The following STARD9 variants were observed in gnomAD, a reference collection of about 807,000 sequenced individuals.
The protein encoded by STARD9 is stAR-related lipid transfer protein 9.
In STARD9, 346 loss-of-function variants were observed where a neutral mutation model predicts 399.8. The ratio of observed to expected loss-of-function variants is 0.87; its 90% CI spans 0.79 to 0.95. The LOEUF is 0.95. Among genes scored for constraint, STARD9 ranks in the 40% least tolerant of loss-of-function variants. The pLI, the probability that STARD9 is intolerant of heterozygous loss-of-function variation, is 0.00. For missense variants in STARD9, 5,832 were observed against 5,667.5 expected (o/e 1.03, Z -0.93); for synonymous variants, 2,203 against 2,143.5 (o/e 1.03, Z -0.77).
At chr15:42,607,288 C>T (rs749641860) in intron 3 of STARD9, among the ~76,000 whole-genome samples, 10 of 137,038 alleles carry the variant, frequency 7.3e-5, no homozygotes, top group Non-Finnish European at 1.2e-4. Context: ...CTACAACCTT[C>T]GCCTCCTGGG....
chr15:42,711,271 C>T (rs899917210), intron 26 of STARD9, among the ~76,000 whole-genome samples: 1 of 152,088 alleles, frequency 6.6e-6, no homozygotes, highest in Admixed American at 6.6e-5. Flanking sequence ...TCCCAGGTAG[C>T]TGGGATTACA....
chr15:42,646,715 T>C (rs527471622), intron 7 of STARD9, among the ~76,000 whole-genome samples: 56 of 152,234 alleles, frequency 3.7e-4, no homozygotes, highest in Non-Finnish European at 7.5e-4. Context: ...GAGTAGCACT[T>C]TTAATTTCCT....
intron 7 of STARD9, among the ~76,000 whole-genome samples, chr15:42,643,057 G>A (rs982407801): frequency 3.3e-5 from 5 of 149,586 alleles, no homozygotes; most frequent in Admixed American, 6.7e-5. Context: ...CCAATCTTTG[G>A]TATACTAATA....
intron 26 of STARD9, among the ~76,000 whole-genome samples, chr15:42,709,636 G>C (rs1287273491): frequency 6.6e-6 from 1 of 152,182 alleles, no homozygotes; most frequent in Non-Finnish European, 1.5e-5. Context: ...ATTGAGCTGA[G>C]ATGGCGCCAC....
chr15:42,687,435 G>C lies in STARD9; in HGVS notation c.5857G>C (p.Asp1953His), dbSNP rs1308927464. 1 of 1,537,186 alleles carries C rather than the reference G, an allele frequency of 6.5e-7. No individual in the cohort carries two copies. The highest frequency in any genetic ancestry group is 8.7e-7 in the Non-Finnish European group (1 of 1,146,912). ...TGTTTCTTTGAAATCCAGATCAGTA[G>C]ATCGTAGAGTAAGCAGCCCAGTGAT... is the stretch of plus-strand genomic sequence containing the variant. The part of the protein sequence containing the change: ...SAVSLKSRSV[D>H]RRVSSPVMVA... Residue 1953 changes from aspartate (D) to histidine (H), a missense_variant, in exon 23 of 33, where the codon GAT becomes CAT. This residue lies in a region of STARD9 where 5,828 missense variants were observed against 5,651.1 expected (regional missense o/e 1.03). Coordinates refer to ENST00000290607, the MANE Select transcript of STARD9 (RefSeq NM_020759.3).
chr15:42,580,083 T>C (rs1277345959), intron 1 of STARD9, among the ~76,000 whole-genome samples: 2 of 152,172 alleles, frequency 1.3e-5, no homozygotes, highest in Non-Finnish European at 2.9e-5. Context: ...TCTCTTCTGA[T>C]GTACAGAGTT....
intron 9 of STARD9, among the ~76,000 whole-genome samples, chr15:42,657,866 A>C (rs2059906815): frequency 6.6e-6 from 1 of 152,256 alleles, no homozygotes; most frequent in Non-Finnish European, 1.5e-5. Flanking sequence ...AAGGCAATTC[A>C]GTGGAGAAAA....
intron 26 of STARD9, among the ~76,000 whole-genome samples, chr15:42,699,646 G>A (rs2060923490): frequency 1.3e-5 from 2 of 151,676 alleles, no homozygotes; most frequent in African/African-American, 2.4e-5. Context: ...GCCCGCCTTG[G>A]CCTCCCAAAA....
In STARD9 at chr15:42,690,919, A is replaced by G; in HGVS notation, c.9341A>G (p.Gln3114Arg). The change falls in exon 23 of 33, where the codon CAG becomes CGG. Residue 3114 changes from glutamine to arginine, a missense_variant. This residue lies in a region of STARD9 where 5,828 missense variants were observed against 5,651.1 expected (regional missense o/e 1.03). Coordinates refer to ENST00000290607, the MANE Select transcript of STARD9 (RefSeq NM_020759.3). ...GGCATGTACTCTGAGCCCCTGAGGC[A>G]GTTTAGGGACAGCTCTGTAGGTGAC... ...PAGMYSEPLR[Q>R]FRDSSVGDQN... 2.0e-6 allele frequency: 3 copies of G among 1,537,176 alleles called. No homozygotes were observed. Among genetic ancestry groups the G allele is most frequent in the Non-Finnish European group, 2.6e-6 (3 of 1,146,898 alleles).
chr15:42,642,195 C>G (rs1378122655), intron 7 of STARD9, among the ~76,000 whole-genome samples: 1 of 152,122 alleles, frequency 6.6e-6, no homozygotes, highest in East Asian at 1.9e-4. Context: ...TACAAGATGC[C>G]TATACTATTC....
rs1199683414 is a variant in STARD9 at position 42,637,929 on chromosome 15, G to A, written c.374G>A (p.Arg125Gln). 3.9e-6 allele frequency: 6 copies of A among 1,537,208 alleles called. No individual in the cohort carries two copies. The highest frequency in any genetic ancestry group is 5.2e-6 in the Non-Finnish European group (6 of 1,146,900). The change falls in exon 5 of 33, where the codon CGG (arginine) becomes CAG (glutamine). Residue 125 changes from arginine (R) to glutamine (Q), a missense_variant. By Grantham distance (43) the Arg-to-Gln change is conservative. Coordinates refer to ENST00000290607, the MANE Select transcript of STARD9 (RefSeq NM_020759.3). ...CAGGCCTCTGTTGGGTTGACACCAC[G>A]GATATGTGAGGTATAGACTATCTTT... ...GTPASVGLTP[R>Q]ICEGLFVREK...
chr15:42,684,355 C>T lies in STARD9; in HGVS notation c.2777C>T (p.Pro926Leu). 2.0e-6 allele frequency: 3 copies of T among 1,536,826 alleles called. No individual in the cohort carries two copies. The African/African-American group carries it at 4.1e-5, about 21-fold the overall frequency. Residue 926 changes from proline (P) to leucine (L), a missense_variant, in exon 23 of 33, where the codon CCC becomes CTC. Pro to Leu is a moderately conservative substitution (Grantham distance 98, BLOSUM62 -3). Coordinates refer to ENST00000290607, the MANE Select transcript of STARD9 (RefSeq NM_020759.3). ...CCAGACGCTTGCCTCACCATGAGTCCCAACTCTGTTGGCATCCAGGAAATG... is the reference window on the plus strand; with the variant it reads ...CCAGACGCTTGCCTCACCATGAGTCTCAACTCTGTTGGCATCCAGGAAATG... ...SAPDACLTMS[P>L]NSVGIQEMEM...
At chr15:42,603,152 A>G (rs916765123) in intron 3 of STARD9, among the ~76,000 whole-genome samples, 6 of 152,188 alleles carry the variant, frequency 3.9e-5, no homozygotes, top group Non-Finnish European at 7.3e-5. Context: ...CCCACTTTCC[A>G]GTAAAAATAG....
chr15:42,627,331 A>G (rs1255599145), intron 3 of STARD9, among the ~76,000 whole-genome samples: 2 of 152,124 alleles, frequency 1.3e-5, no homozygotes, highest in Non-Finnish European at 2.9e-5. Context: ...CATAGTAGGT[A>G]TATATATTTA....
chr15:42,618,077 A>G (rs2059009968), intron 3 of STARD9, among the ~76,000 whole-genome samples: 1 of 151,372 alleles, frequency 6.6e-6, no homozygotes, highest in African/African-American at 2.4e-5. Context: ...CATTTAGTAC[A>G]CACTTTATGT....
At chr15:42,649,178 C>T (rs1032312075) in intron 7 of STARD9, among the ~76,000 whole-genome samples, 1 of 152,080 alleles carries the variant, frequency 6.6e-6, no homozygotes, top group African/African-American at 2.4e-5. Flanking sequence ...TACAGTCGCG[C>T]ACCACCACAG....
chr15:42,663,593 G>C, intron 12 of STARD9, 103 bp downstream of exon 12: 1 of 624,086 alleles, frequency 1.6e-6, no homozygotes, highest in Admixed American at 2.9e-5. Context: ...GATCTGTGTT[G>C]GGACTGGTAC....
intron 26 of STARD9, among the ~76,000 whole-genome samples, chr15:42,704,485 T>C (rs2061033561): frequency 6.6e-6 from 1 of 152,198 alleles, no homozygotes; most frequent in Non-Finnish European, 1.5e-5. Context: ...CAATCTGGCC[T>C]TGTTTGTACC....
chr15:42,663,923 A>G lies in STARD9; in HGVS notation c.1176+6A>G. 1 of 1,514,650 alleles carries G rather than the reference A, an allele frequency of 6.6e-7. No individual in the cohort carries two copies. Among genetic ancestry groups the G allele is most frequent in the African/African-American group, 1.4e-5 (1 of 72,656 alleles). The allele number at this position is 1,514,650 out of a possible 1,614,324, so 93.8% of individuals were successfully genotyped here. On this transcript the variant is annotated splice_donor_region_variant and intron_variant, in intron 13 of 32. Coordinates refer to ENST00000290607, the MANE Select transcript of STARD9 (RefSeq NM_020759.3). ...ACAAGCCACGAGTAAATGAGGTGAG[A>G]CCTTTTCAGAAGTCCTGGTCTGGTA...
Sources: gnomAD v4.1 joint callset for allele counts (sites outside exome capture counted in the v4.1 genomes callset) on GRCh38, gnomAD v4.1.1 for gene constraint, gnomAD v4.1.1 regional missense constraint, MANE v1.5 for transcripts, NCBI Gene and HGNC (gene_info 2026-07-23, HGNC 2026-07-21) for gene names.